DCC: variants seen among roughly 807,000 people sequenced by gnomAD.
DCC encodes the protein DCC netrin 1 receptor, also known as netrin receptor DCC.
DCC carries 58 observed loss-of-function variants against 172.5 expected under a neutral mutation model. The observed-to-expected ratio is 0.34, with a 90% confidence interval of 0.27 to 0.42. The LOEUF (loss-of-function observed/expected upper bound fraction) is 0.42, where lower values mean the gene tolerates loss of function less well. DCC is among the 10% of genes least tolerant of loss of function. The pLI, the probability that DCC is intolerant of heterozygous loss-of-function variation, is 1.00. For synonymous variants in DCC, 709 were observed against 644.5 expected (o/e 1.10, Z -1.52); for missense variants, 1,740 against 1,791.0 (o/e 0.97, Z 0.51).
intron 7 of DCC, among the ~76,000 whole-genome samples, chr18:53,148,865 C>CTTTTTTTTTTTTTTTTGTTTTTTT (rs2043956760): frequency 9.1e-6 from 1 of 109,820 alleles, no homozygotes; most frequent in African/African-American, 3.7e-5. Flanking sequence ...TTCCCAATGC[C>CTTTTTTTTTTTTTTTTGTTTTTTT]TTTTTTTTTT....
intron 1 of DCC, among the ~76,000 whole-genome samples, chr18:52,466,256 G>A (rs574798946): frequency 2.0e-5 from 3 of 152,274 alleles, no homozygotes; most frequent in Admixed American, 1.3e-4. Flanking sequence ...AGGGGGCCAC[G>A]AAGACACTGG....
At chr18:52,648,224 C>A (rs2144917457) in intron 1 of DCC, among the ~76,000 whole-genome samples, 1 of 152,310 alleles carries the variant, frequency 6.6e-6, no homozygotes, top group Middle Eastern at 3.4e-3. Flanking sequence ...CATTCAGTGA[C>A]AGCACTTTGG....
chr18:52,405,304 C>T (rs1237539339), intron 1 of DCC, among the ~76,000 whole-genome samples: 1 of 147,576 alleles, frequency 6.8e-6, no homozygotes, highest in Non-Finnish European at 1.5e-5. Flanking sequence ...TCCTATTTCT[C>T]CACATCCTCT....
intron 7 of DCC, among the ~76,000 whole-genome samples, chr18:53,076,910 T>C (rs540891766): frequency 6.6e-6 from 1 of 152,228 alleles, no homozygotes; most frequent in East Asian, 1.9e-4. Flanking sequence ...TTAGAGCCCA[T>C]GCCAGTGAGC....
At chr18:52,715,700 G>T (rs2036369113) in intron 1 of DCC, among the ~76,000 whole-genome samples, 1 of 152,198 alleles carries the variant, frequency 6.6e-6, no homozygotes, top group South Asian at 2.1e-4. Flanking sequence ...AAAGTGAATT[G>T]GGTTAGGCCA....
chr18:52,939,922 A>G (rs1246773239), intron 5 of DCC, among the ~76,000 whole-genome samples: 2 of 152,160 alleles, frequency 1.3e-5, no homozygotes, highest in Non-Finnish European at 2.9e-5. Context: ...AACATTGTGC[A>G]ATTTGGTGTA....
intron 1 of DCC, among the ~76,000 whole-genome samples, chr18:52,386,827 T>C (rs1406187170): frequency 1.3e-5 from 2 of 152,130 alleles, no homozygotes; most frequent in African/African-American, 4.8e-5. Context: ...ACACAACATG[T>C]ATCATATATC....
Position 52,964,529 on chromosome 18 carries a change from A to G in DCC, c.985+39159A>G, listed in dbSNP as rs987369920. Among the ~76,000 whole-genome samples, 4 of 152,080 alleles carry G rather than the reference A, an allele frequency of 2.6e-5. 1 individual carries two copies. The South Asian group carries it at 8.3e-4, about 31-fold the overall frequency. ...GTTGGGTTTATTGCCATGTACGTCA[A>G]TCGATCGTAATTGATTTAGTAGTGT... On this transcript the variant is annotated intron_variant, in intron 5 of 28. Coordinates refer to ENST00000442544, the MANE Select transcript of DCC (RefSeq NM_005215.4).
Position 52,391,217 on chromosome 18 carries a change from A to G in DCC, c.91+50339A>G, listed in dbSNP as rs561936014. Among the ~76,000 whole-genome samples the G allele has an allele frequency of 2.6e-5, 4 of 152,230 alleles. No homozygotes were observed. In the East Asian group the frequency reaches 5.8e-4, roughly 22 times the overall value. On this transcript the variant is annotated intron_variant, in intron 1 of 28. Transcript: ENST00000442544. ...AGGCAGGATCAATTTGGAGCCTATCATCTCTTGACTTCTTCCCAAGGGATT... is the reference window on the plus strand; with the variant it reads ...AGGCAGGATCAATTTGGAGCCTATCGTCTCTTGACTTCTTCCCAAGGGATT...
At chr18:53,469,601 C>T (rs2045670108) in intron 25 of DCC, among the ~76,000 whole-genome samples, 1 of 152,104 alleles carries the variant, frequency 6.6e-6, no homozygotes, top group Non-Finnish European at 1.5e-5. Flanking sequence ...TTGAAATCCC[C>T]TCTCACCCAT....
At chr18:53,261,393 AGG>A (rs1470948590) in intron 12 of DCC, among the ~76,000 whole-genome samples, 1 of 152,144 alleles carries the variant, frequency 6.6e-6, no homozygotes, top group Admixed American at 6.5e-5. Flanking sequence ...CACTAGCATC[AGG>A]GGAGAGAAAT....
rs1541288 is a variant in DCC, at chr18:52,931,131, T to C, written c.985+5761T>C. Among the ~76,000 whole-genome samples, 321 of 152,178 alleles carry C rather than the reference T, an allele frequency of 2.1e-3. 1 individual carries two copies. Among genetic ancestry groups the C allele is most frequent in the African/African-American group, 7.5e-3 (313 of 41,570 alleles). ...AATTTACTTCAGGATTTGGTTGATA[T>C]GCTGTTTTAATTATTCTAAAAGGCT... On this transcript the variant is annotated intron_variant, in intron 5 of 28. Transcript: ENST00000442544.
intron 1 of DCC, among the ~76,000 whole-genome samples, chr18:52,616,683 T>G (rs1376235727): frequency 6.6e-6 from 1 of 152,060 alleles, no homozygotes; most frequent in Admixed American, 6.6e-5. Flanking sequence ...TATAATCTAG[T>G]AGAGGATATA....
intron 1 of DCC, among the ~76,000 whole-genome samples, chr18:52,613,822 C>A (rs1221888): frequency 0.91 from 137,716 of 152,172 alleles, 62,788 homozygotes; most frequent in Middle Eastern, 0.98. Context: ...AGCAAACAAA[C>A]GGACACACGT....
At chr18:53,428,334 A>G (rs1276816699) in intron 21 of DCC, among the ~76,000 whole-genome samples, 2 of 64,172 alleles carry the variant, frequency 3.1e-5, no homozygotes, top group Non-Finnish European at 6.1e-5. Flanking sequence ...AATATAATAT[A>G]TTGTATATAA....
chr18:53,314,743 A>G (rs1322243820), intron 13 of DCC, among the ~76,000 whole-genome samples: 4 of 152,224 alleles, frequency 2.6e-5, no homozygotes, highest in Admixed American at 2.6e-4. Context: ...AGGATAAAAT[A>G]TAATACTTCA....
At chr18:52,751,074 A>C (rs2036986937) in intron 1 of DCC, among the ~76,000 whole-genome samples, 1 of 152,238 alleles carries the variant, frequency 6.6e-6, no homozygotes, top group African/African-American at 2.4e-5. Flanking sequence ...TTAGACTCTT[A>C]AAATGATTAA....
At chr18:52,660,128 C>A (rs990535562) in intron 1 of DCC, among the ~76,000 whole-genome samples, 9 of 152,056 alleles carry the variant, frequency 5.9e-5, no homozygotes, top group African/African-American at 1.9e-4. Flanking sequence ...TACATCATGC[C>A]ACCCCTTTAT....
chr18:52,481,604 T>C (rs1001621348), intron 1 of DCC, among the ~76,000 whole-genome samples: 1 of 152,072 alleles, frequency 6.6e-6, no homozygotes, highest in African/African-American at 2.4e-5. Flanking sequence ...CGTGCATACA[T>C]AAAGAGTCTA....
Sources: gnomAD v4.1 joint callset for allele counts (sites outside exome capture counted in the v4.1 genomes callset) on GRCh38, gnomAD v4.1.1 for gene constraint, MANE v1.5 for transcripts, NCBI Gene and HGNC (gene_info 2026-07-23, HGNC 2026-07-21) for gene names.